Variants in LINGO1 observed in about 807,000 individuals in gnomAD.
LINGO1 encodes leucine rich repeat and Ig domain containing 1.
In LINGO1, 11 loss-of-function variants were observed where a neutral mutation model predicts 37.3. That is an observed-to-expected ratio of 0.29 (90% CI 0.19 to 0.49). The LOEUF is 0.49. Ranked by LOEUF, LINGO1 falls within the 20% of genes least tolerant of loss-of-function variation. The probability of loss-of-function intolerance (pLI) is 0.99; values close to 1 mark genes in which losing one functional copy is unlikely to be tolerated. For synonymous variants in LINGO1, 387 were observed against 403.0 expected (o/e 0.96, Z 0.48); for missense variants, 585 against 878.2 (o/e 0.67, Z 4.22).
At chr15:77,809,284 G>A (rs2076984274) in intron 1 of LINGO1, among the ~76,000 whole-genome samples, 1 of 152,206 alleles carries the variant, frequency 6.6e-6, no homozygotes, top group African/African-American at 2.4e-5. Context: ...AAACCCAGCA[G>A]GTAGTGATGA....
chr15:77,814,783 A>T (rs1185212000), intron 1 of LINGO1, among the ~76,000 whole-genome samples: 1 of 152,170 alleles, frequency 6.6e-6, no homozygotes, highest in Non-Finnish European at 1.5e-5. Flanking sequence ...TCGAGGAGCC[A>T]CTCCATACCC....
At chr15:77,715,622 G>T (rs1469261413) in intron 2 of LINGO1, among the ~76,000 whole-genome samples, 1 of 152,222 alleles carries the variant, frequency 6.6e-6, no homozygotes, top group Non-Finnish European at 1.5e-5. Context: ...TTTCCACAAA[G>T]AAATAATGGG....
intron 2 of LINGO1, among the ~76,000 whole-genome samples, chr15:77,723,968 T>G (rs2076077213): frequency 6.6e-6 from 1 of 152,140 alleles, no homozygotes; most frequent in African/African-American, 2.4e-5. Flanking sequence ...TATTTTTAGA[T>G]GGACTACTTT....
intron 1 of LINGO1, among the ~76,000 whole-genome samples, chr15:77,631,855 G>A (rs995658628): frequency 6.6e-6 from 1 of 152,236 alleles, no homozygotes; most frequent in South Asian, 2.1e-4. Context: ...TGGAGCTTGT[G>A]GAGAAACCCA....
intron 1 of LINGO1, among the ~76,000 whole-genome samples, chr15:77,742,394 C>T (rs1222205219): frequency 6.6e-6 from 1 of 152,168 alleles, no homozygotes; most frequent in Non-Finnish European, 1.5e-5. Context: ...TTCCAGGTGC[C>T]GGGCACATCA....
intron 1 of LINGO1, among the ~76,000 whole-genome samples, chr15:77,810,119 C>G (rs923511668): frequency 1.3e-5 from 2 of 151,988 alleles, no homozygotes; most frequent in Admixed American, 1.3e-4. Flanking sequence ...GACAGGAGAC[C>G]AGTCTCAGTC....
chr15:77,804,425 G>T (rs541574725), intron 1 of LINGO1, among the ~76,000 whole-genome samples: 1 of 152,314 alleles, frequency 6.6e-6, no homozygotes, highest in African/African-American at 2.4e-5. Context: ...CCAGAGAGGG[G>T]AGGGAGCTGT....
intron 1 of LINGO1, among the ~76,000 whole-genome samples, chr15:77,750,322 G>A (rs951406206): frequency 3.9e-5 from 6 of 152,258 alleles, no homozygotes; most frequent in African/African-American, 1.4e-4. Context: ...GGCTACATGA[G>A]AAGTAGAATT....
At chr15:77,722,901 A>G (rs1323370001) in intron 2 of LINGO1, among the ~76,000 whole-genome samples, 1 of 152,150 alleles carries the variant, frequency 6.6e-6, no homozygotes, top group Non-Finnish European at 1.5e-5. Context: ...CGGGGAGGGC[A>G]GCAGCAGGGC....
intron 1 of LINGO1, among the ~76,000 whole-genome samples, chr15:77,746,865 G>A (rs2076319472): frequency 6.6e-6 from 1 of 152,120 alleles, no homozygotes; most frequent in Non-Finnish European, 1.5e-5. Flanking sequence ...AGCTCCTTGA[G>A]CTCCAGAGAC....
chr15:77,749,105 G>A (rs1208328831), intron 1 of LINGO1, among the ~76,000 whole-genome samples: 3 of 151,516 alleles, frequency 2.0e-5, no homozygotes, highest in East Asian at 1.9e-4. Context: ...ACGGGGTTTC[G>A]TCATGTTGGT....
intron 2 of LINGO1, among the ~76,000 whole-genome samples, chr15:77,793,918 A>G (rs1397898492): frequency 6.6e-6 from 1 of 152,204 alleles, no homozygotes; most frequent in East Asian, 1.9e-4. Context: ...GAAAAATAAA[A>G]TGTTTGAAAA....
chr15:77,788,118 G>A (rs1208308305), upstream of LINGO1: 1 of 152,282 alleles, frequency 6.6e-6, no homozygotes, highest in African/African-American at 2.4e-5. Flanking sequence ...CCAACCCACA[G>A]CGAGACACCT....
intron 1 of LINGO1, among the ~76,000 whole-genome samples, chr15:77,773,892 A>C (rs1420815803): frequency 2.0e-5 from 3 of 152,022 alleles, no homozygotes; most frequent in Admixed American, 2.0e-4. Flanking sequence ...TTAAGTCCTG[A>C]GAACATCCCC....
intron 1 of LINGO1, among the ~76,000 whole-genome samples, chr15:77,805,260 T>A (rs1017748482): frequency 6.6e-5 from 10 of 152,200 alleles, no homozygotes; most frequent in African/African-American, 2.4e-4. Context: ...CTCAGTTTCC[T>A]CCTCTCTAAA....
intron 1 of LINGO1, among the ~76,000 whole-genome samples, chr15:77,797,480 T>C (rs2076883091): frequency 6.6e-6 from 1 of 152,214 alleles, no homozygotes; most frequent in Non-Finnish European, 1.5e-5. Context: ...AGCATTGTGG[T>C]AATCCACCTT....
chr15:77,719,476 G>A (rs548962247), intron 2 of LINGO1, among the ~76,000 whole-genome samples: 1 of 150,020 alleles, frequency 6.7e-6, no homozygotes, highest in South Asian at 2.2e-4. Context: ...ACGCCTCCCA[G>A]GTCAGGCTGG....
In LINGO1 at chr15:77,781,071, G is replaced by A. The variant is rs142847393; in HGVS notation, c.-257+5798C>T. 4.1e-3 allele frequency among the ~76,000 whole-genome samples: 625 copies of A among 152,370 alleles called. 5 individuals carry two copies. The highest frequency in any genetic ancestry group is 0.014 in the African/African-American group (570 of 41,588). On this transcript the variant is annotated intron_variant, in intron 1 of 3. Transcript: ENST00000561686. The stretch of plus-strand genomic sequence containing the variant: ...CTTGGACACCGCAGACCTGGCCAAG[G>A]CCCATCCTTCAGCCAGCCCGCAAAT...
chr15:77,738,708 C>T (rs1419695904), intron 1 of LINGO1, among the ~76,000 whole-genome samples: 1 of 148,854 alleles, frequency 6.7e-6, no homozygotes, highest in Non-Finnish European at 1.5e-5. Flanking sequence ...GTACTATGTG[C>T]AGTGCTTGGC....
Sources: gnomAD v4.1 joint callset for allele counts (sites outside exome capture counted in the v4.1 genomes callset) on GRCh38, gnomAD v4.1.1 for gene constraint, MANE v1.5 for transcripts, NCBI Gene and HGNC (gene_info 2026-07-23, HGNC 2026-07-21) for gene names.